Variants in LCORL observed in about 807,000 individuals in gnomAD.
LCORL encodes the protein ligand-dependent nuclear receptor corepressor-like protein.
LCORL carries 41 observed loss-of-function variants against 141.8 expected under a neutral mutation model. The observed-to-expected ratio is 0.29, with a 90% confidence interval of 0.23 to 0.38. The LOEUF is 0.38. Among genes scored for constraint, LCORL ranks in the 10% least tolerant of loss-of-function variants. The pLI is 1.00. For missense variants in LCORL, 1,759 were observed against 2,035.0 expected (o/e 0.86, Z 2.61); for synonymous variants, 618 against 694.1 (o/e 0.89, Z 1.72).
chr4:17,919,562 C>T (rs1160602260), intron 4 of LCORL, among the ~76,000 whole-genome samples: 6 of 152,148 alleles, frequency 3.9e-5, no homozygotes, highest in Non-Finnish European at 8.8e-5. Context: ...TTCCCAGTAC[C>T]TATAAAAGTT....
At chr4:17,971,316 T>C (rs1378016630) in intron 2 of LCORL, among the ~76,000 whole-genome samples, 3 of 152,028 alleles carry the variant, frequency 2.0e-5, no homozygotes, top group African/African-American at 4.8e-5. Context: ...ATACAGTATA[T>C]ATACACTGCA....
intron 1 of LCORL, among the ~76,000 whole-genome samples, chr4:17,986,627 G>A (rs1719022840): frequency 6.6e-6 from 1 of 152,012 alleles, no homozygotes; most frequent in Non-Finnish European, 1.5e-5. Context: ...TGTGTTGTTT[G>A]TTTGTTTGTT....
At chr4:17,936,231 G>A (rs951793009) in intron 4 of LCORL, among the ~76,000 whole-genome samples, 23 of 151,882 alleles carry the variant, frequency 1.5e-4, no homozygotes, top group African/African-American at 1.9e-4. Flanking sequence ...TCTTAGTGCA[G>A]ATAATTATAT....
chr4:17,881,046 A>G (rs1560283005), intron 6 of LCORL: 3 of 980,190 alleles, frequency 3.1e-6, no homozygotes, highest in Non-Finnish European at 2.4e-6. Context: ...CAGTCTCACT[A>G]AAGTTAGTAT....
chr4:17,992,946 G>C (rs1281063433), intron 1 of LCORL, among the ~76,000 whole-genome samples: 9 of 152,214 alleles, frequency 5.9e-5, no homozygotes, highest in African/African-American at 2.2e-4. Flanking sequence ...GGTTAGGGGA[G>C]AGACAGAAAG....
In LCORL at chr4:17,994,132, G is replaced by A. The variant is rs144022636; in HGVS notation, c.155-21247C>T. ...AGACTTAGAGAAGATCAGTATGCAGGTGGAAGATGGGGTCTAATTTCCTAA... is the reference window on the plus strand; with the variant it reads ...AGACTTAGAGAAGATCAGTATGCAGATGGAAGATGGGGTCTAATTTCCTAA... On this transcript the variant is annotated intron_variant, in intron 1 of 7. Coordinates refer to ENST00000635767, the Ensembl canonical transcript of LCORL. Among the ~76,000 whole-genome samples, 510 of 152,236 alleles carry A rather than the reference G, an allele frequency of 3.4e-3. 7 individuals carry two copies. The highest frequency in any genetic ancestry group is 0.012 in the African/African-American group (482 of 41,532).
exon 8 of LCORL, chr4:17,842,589 T>C (rs928132174): frequency 5.0e-5 from 26 of 517,722 alleles, no homozygotes; most frequent in African/African-American, 4.5e-4. Context: ...TTAGCTGGCA[T>C]GGTCTTTAGT....
intron 4 of LCORL, among the ~76,000 whole-genome samples, chr4:17,914,925 T>G (rs540985879): frequency 6.6e-6 from 1 of 152,322 alleles, no homozygotes; most frequent in East Asian, 1.9e-4. Context: ...TTAGCCTCCA[T>G]GTTGTATCAT....
chr4:17,904,781 C>A (rs955750952), intron 5 of LCORL, among the ~76,000 whole-genome samples: 3 of 152,102 alleles, frequency 2.0e-5, no homozygotes, highest in Admixed American at 1.3e-4. Flanking sequence ...TTAATTACTG[C>A]ACTTAATTAA....
chr4:17,875,089 T>C, exon 7 of LCORL: 1 of 1,233,678 alleles, frequency 8.1e-7, no homozygotes, highest in Non-Finnish European at 1.0e-6. Flanking sequence ...TCCATTTGAG[T>C]GCACTGTTGG....
At chr4:17,938,608 G>A (rs1392033100) in intron 4 of LCORL, among the ~76,000 whole-genome samples, 2 of 150,820 alleles carry the variant, frequency 1.3e-5, no homozygotes, top group Non-Finnish European at 3.0e-5. Context: ...TAGAGATGGG[G>A]TTTCTCCATG....
At chr4:17,993,669 C>T (rs1720428971) in intron 1 of LCORL, among the ~76,000 whole-genome samples, 3 of 152,068 alleles carry the variant, frequency 2.0e-5, no homozygotes, top group South Asian at 2.1e-4. Flanking sequence ...TCCTGAAAGC[C>T]AAATGAACCA....
intron 1 of LCORL, among the ~76,000 whole-genome samples, chr4:17,998,193 G>A (rs1446612919): frequency 3.3e-5 from 5 of 152,190 alleles, no homozygotes; most frequent in Admixed American, 6.5e-5. Flanking sequence ...CATGAATGGA[G>A]CTTGAAGGAT....
intron 1 of LCORL, among the ~76,000 whole-genome samples, chr4:18,001,718 A>G (rs546984528): frequency 2.0e-5 from 3 of 152,368 alleles, no homozygotes; most frequent in South Asian, 4.1e-4. Flanking sequence ...TACACAGTTA[A>G]TAAGTGACAT....
chr4:17,939,214 T>G (rs1737404800), intron 4 of LCORL, among the ~76,000 whole-genome samples: 1 of 152,176 alleles, frequency 6.6e-6, no homozygotes, highest in Non-Finnish European at 1.5e-5. Context: ...ATATGCAATT[T>G]AAAGCAAAAT....
At chr4:17,994,804 T>C (rs1720644540) in intron 1 of LCORL, among the ~76,000 whole-genome samples, 1 of 138,792 alleles carries the variant, frequency 7.2e-6, no homozygotes, top group South Asian at 2.4e-4. Context: ...AAATGTTAAT[T>C]TATGTGATTT....
intron 7 of LCORL, among the ~76,000 whole-genome samples, chr4:17,855,124 A>G (rs1018600099): frequency 6.6e-6 from 1 of 152,140 alleles, no homozygotes; most frequent in Non-Finnish European, 1.5e-5. Context: ...AATAGAATGG[A>G]AATGAAGGAA....
Position 18,011,793 on chromosome 4 carries a change from C to T in LCORL, c.154+9805G>A, listed in dbSNP as rs137989032. 5.9e-5 allele frequency among the ~76,000 whole-genome samples: 9 copies of T among 152,274 alleles called. No homozygotes were observed. In the East Asian group the frequency reaches 1.2e-3, roughly 20 times the overall value. Reference sequence around the variant, plus strand: ...GTAGCTGCAATAGAGACCAGATGGCCCACAAAGCCTAAAACATTTACTGTC... The same window carrying T: ...GTAGCTGCAATAGAGACCAGATGGCTCACAAAGCCTAAAACATTTACTGTC... On this transcript the variant is annotated intron_variant, in intron 1 of 7. Coordinates refer to ENST00000635767, the Ensembl canonical transcript of LCORL.
chr4:17,868,239 C>A (rs1725915469), intron 7 of LCORL, among the ~76,000 whole-genome samples: 1 of 152,130 alleles, frequency 6.6e-6, no homozygotes, highest in Non-Finnish European at 1.5e-5. Context: ...GTGTGAAAAC[C>A]AGAATTCTGA....
Sources: gnomAD v4.1 joint callset for allele counts (sites outside exome capture counted in the v4.1 genomes callset) on GRCh38, gnomAD v4.1.1 for gene constraint, MANE v1.5 for transcripts, NCBI Gene and HGNC (gene_info 2026-07-23, HGNC 2026-07-21) for gene names.